The following SEZ6 variants were observed in gnomAD, a reference collection of about 807,000 sequenced individuals.
SEZ6 encodes the protein seizure related 6 homolog, also known as seizure protein 6 homolog.
SEZ6 carries 53 observed loss-of-function variants against 101.0 expected under a neutral mutation model. The ratio of observed to expected loss-of-function variants is 0.52; its 90% CI spans 0.42 to 0.66. The LOEUF is 0.66. Among genes scored for constraint, SEZ6 ranks in the 30% least tolerant of loss-of-function variants. SEZ6 has a pLI of 0.00. For synonymous variants in SEZ6, 488 were observed against 512.2 expected (o/e 0.95, Z 0.64); for missense variants, 1,102 against 1,289.4 (o/e 0.85, Z 2.23).
intron 3 of SEZ6, among the ~76,000 whole-genome samples, chr17:28,974,679 G>A (rs1280131397): frequency 6.6e-6 from 1 of 152,180 alleles, no homozygotes; most frequent in African/African-American, 2.4e-5. Flanking sequence ...ATGATTCCTG[G>A]TCCAGTGTCC....
chr17:28,978,900 C>T (rs2041260417), intron 3 of SEZ6, among the ~76,000 whole-genome samples: 1 of 151,734 alleles, frequency 6.6e-6, no homozygotes, highest in African/African-American at 2.4e-5. Flanking sequence ...AGGGGAGTAT[C>T]ATGGTGACAG....
chr17:28,996,638 G>A (rs764303483), intron 1 of SEZ6, among the ~76,000 whole-genome samples: 7 of 152,120 alleles, frequency 4.6e-5, no homozygotes, highest in Non-Finnish European at 2.9e-5. Flanking sequence ...ACAGTCCTAG[G>A]ATGCAGGGAC....
Position 28,959,009 on chromosome 17 carries a change from G to T in SEZ6, c.2107+16C>A. 1 of 1,603,018 alleles carries T rather than the reference G, an allele frequency of 6.2e-7. No individual in the cohort carries two copies. Among genetic ancestry groups the T allele is most frequent in the Non-Finnish European group, 8.5e-7 (1 of 1,173,592 alleles). ...GCTTGCTGTCTGCACTCTGAGTGGG[G>T]TAGGGACAAGCTCACCAAAGAAGTG... On this transcript the variant is annotated intron_variant, in intron 10 of 16. Transcript: ENST00000317338. The surrounding 1 kb of genome is among the most constrained non-coding windows in gnomAD (Gnocchi z 4.4).
At position 28,955,768 on chromosome 17, in the gene SEZ6, T is replaced by C. The variant is rs1409203502; in HGVS notation, c.*194A>G. The C allele has an allele frequency of 1.2e-5, 9 of 729,978 alleles. No homozygotes were observed. The highest frequency in any genetic ancestry group is 2.2e-5 in the Non-Finnish European group (9 of 409,710). 45.2% of individuals were successfully genotyped at this position (729,978 alleles called of 1,614,324 possible). A position where few individuals can be genotyped will look rare whatever the true frequency, so the allele number is the denominator to read the frequency against. On this transcript the variant is annotated 3_prime_UTR_variant, in exon 17 of 17. Coordinates refer to ENST00000317338, the MANE Select transcript of SEZ6 (RefSeq NM_178860.5). ...CCAATGAAGGGCCCCAAGTGGGCAA[T>C]GACACCAAGAAAATAGGCCATGGTG...
chr17:28,958,010 A>T lies in SEZ6; in HGVS notation c.2239T>A (p.Ser747Thr). 1 of 1,613,968 alleles carries T rather than the reference A, an allele frequency of 6.2e-7. No individual in the cohort carries two copies. The highest frequency in any genetic ancestry group is 8.5e-7 in the Non-Finnish European group (1 of 1,179,854). ...TCCCACTGGCACATGAGGACACTGG[A>T]TCCCACTACCTGGTAGCCAGGGTAG... ...QCYPGYQVVGSSVLMCQWDLT... is the reference protein window; with the variant it reads ...QCYPGYQVVGTSVLMCQWDLT... Residue 747 changes from serine (S) to threonine (T), a missense_variant, in exon 11 of 17, where the codon TCC becomes ACC. Coordinates refer to ENST00000317338, the MANE Select transcript of SEZ6 (RefSeq NM_178860.5).
chr17:28,967,814 T>C (rs1300604891), intron 4 of SEZ6, among the ~76,000 whole-genome samples: 1 of 152,072 alleles, frequency 6.6e-6, no homozygotes, highest in African/African-American at 2.4e-5. Flanking sequence ...GCCCCCAGAC[T>C]CCATAGTAGT....
intron 12 of SEZ6, 52 bp downstream of exon 12, chr17:28,957,296 G>C: frequency 6.2e-7 from 1 of 1,610,930 alleles, no homozygotes; most frequent in Non-Finnish European, 8.5e-7. Context: ...CTCCAGGGCA[G>C]CATCTTTTAT....
At chr17:28,967,575 G>C (rs192278811) in intron 4 of SEZ6, among the ~76,000 whole-genome samples, 2 of 152,188 alleles carry the variant, frequency 1.3e-5, no homozygotes, top group Non-Finnish European at 2.9e-5. Flanking sequence ...ATGGAGAAAG[G>C]GGTGTGGGGC....
intron 4 of SEZ6, 140 bp from the exon 5 acceptor site, chr17:28,964,287 C>T (rs2041029840): frequency 1.2e-6 from 1 of 803,996 alleles, no homozygotes. Context: ...TCCAAAACAA[C>T]TCCAATCTCC....
intron 1 of SEZ6, among the ~76,000 whole-genome samples, chr17:28,993,007 A>G (rs574298680): frequency 3.9e-5 from 6 of 151,954 alleles, no homozygotes; most frequent in African/African-American, 1.5e-4. Flanking sequence ...GGCAGGTGGC[A>G]CTGGAGCTGG....
chr17:28,968,512 T>C (rs1052993738), intron 4 of SEZ6, among the ~76,000 whole-genome samples: 2 of 152,176 alleles, frequency 1.3e-5, no homozygotes, highest in Non-Finnish European at 2.9e-5. Context: ...CCAGGGAGGA[T>C]TGATGAGCCA....
rs528120720 is a variant in SEZ6, at chr17:28,956,228, G to A, written c.2883C>T (p.Arg961=). ...TGCGGTTGTAGGGGCGGGGGCGGGGGCGGGGCAGCTGCAGGGAGCTTTTTC... is the reference window on the plus strand; with the variant it reads ...TGCGGTTGTAGGGGCGGGGGCGGGGACGGGGCAGCTGCAGGGAGCTTTTTC... ...LQGKSSLQLP[R]PRPRPYNRIT... is the part of the protein sequence containing the mutation. Residue 961 remains arginine, a synonymous_variant, in exon 16 of 17, where the codon CGC becomes CGT. Transcript: ENST00000317338. The A allele has an allele frequency of 2.1e-4, 111 of 518,734 alleles. No individual in the cohort carries two copies. The highest frequency in any genetic ancestry group is 3.8e-4 in the Middle Eastern group (1 of 2,634). 32.1% of individuals were successfully genotyped at this position (518,734 alleles called of 1,614,324 possible). A position where few individuals can be genotyped will look rare whatever the true frequency, so the allele number is the denominator to read the frequency against.
At position 28,969,696 on chromosome 17, in the gene SEZ6, C is replaced by G. The variant is rs577801532; in HGVS notation, c.1054+61G>C. On this transcript the variant is annotated intron_variant, in intron 4 of 16. Coordinates refer to ENST00000317338, the MANE Select transcript of SEZ6 (RefSeq NM_178860.5). ...AGGATGTAATTGCACAGAGACCCCC[C>G]TCCCCAGCAAGGAGGGCAGCGAGTC... The G allele has an allele frequency of 6.2e-5, 86 of 1,376,842 alleles. No individual in the cohort carries two copies. The African/African-American group carries it at 1.2e-3, about 19-fold the overall frequency. 85.3% of individuals were successfully genotyped at this position (1,376,842 alleles called of 1,614,324 possible). A position where few individuals can be genotyped will look rare whatever the true frequency, so the allele number is the denominator to read the frequency against.
chr17:28,963,000 T>C (rs1472890023), intron 5 of SEZ6, among the ~76,000 whole-genome samples: 2 of 151,944 alleles, frequency 1.3e-5, no homozygotes, highest in Non-Finnish European at 2.9e-5. Context: ...GGCGGGCGCC[T>C]GTAGTCCCAG....
At chr17:28,997,341 G>A (rs563784606) in intron 1 of SEZ6, among the ~76,000 whole-genome samples, 1 of 152,268 alleles carries the variant, frequency 6.6e-6, no homozygotes, top group African/African-American at 2.4e-5. Context: ...CCAGAAAATA[G>A]GGCTTCATGA....
chr17:28,960,877 A>G lies in SEZ6; in HGVS notation c.1337T>C (p.Leu446Pro). ...CCGCTGGCCCTCAGGAGCCTCAAGCAGCCAGTGACAGGTGAGGTTGTTGCT... is the reference window on the plus strand; with the variant it reads ...CCGCTGGCCCTCAGGAGCCTCAAGCGGCCAGTGACAGGTGAGGTTGTTGCT... ...NYSNNLTCHW[L>P]LEAPEGQRLH... Residue 446 changes from leucine to proline, a missense_variant, in exon 6 of 17, where the codon CTG becomes CCG. Physicochemically the swap from Leu to Pro is moderately conservative, Grantham distance 98. Coordinates refer to ENST00000317338, the MANE Select transcript of SEZ6 (RefSeq NM_178860.5). 6.2e-7 allele frequency: 1 copy of G among 1,613,978 alleles called. No homozygotes were observed. The highest frequency in any genetic ancestry group is 8.5e-7 in the Non-Finnish European group (1 of 1,179,852).
Position 28,981,590 on chromosome 17 carries a change from C to G in SEZ6, c.505G>C (p.Gly169Arg). 6.2e-7 allele frequency: 1 copy of G among 1,607,550 alleles called. No individual in the cohort carries two copies. The highest frequency in any genetic ancestry group is 8.5e-7 in the Non-Finnish European group (1 of 1,175,590). ...GGGGGTGTAGTGCTGGCTATCTCCC[C>G]TGGGCCTAGGGTGGGCACTGCCATG... Reference protein sequence around the residue: ...PSMAVPTLGPGEIASTTPPSR... With the variant: ...PSMAVPTLGPREIASTTPPSR... The change falls in exon 2 of 17, where the codon GGG becomes CGG. Residue 169 changes from glycine to arginine, a missense_variant. Gly to Arg is a moderately radical substitution (Grantham distance 125). Coordinates refer to ENST00000317338, the MANE Select transcript of SEZ6 (RefSeq NM_178860.5).
chr17:28,959,809 T>C lies in SEZ6; in HGVS notation c.1660A>G (p.Thr554Ala). 6.2e-7 allele frequency: 1 copy of C among 1,613,878 alleles called. No homozygotes were observed. Among genetic ancestry groups the C allele is most frequent in the Non-Finnish European group, 8.5e-7 (1 of 1,179,844 alleles). The change falls in exon 8 of 17, where the codon ACT becomes GCT. Residue 554 changes from threonine (T) to alanine (A), a missense_variant. This residue lies in a region of SEZ6 where 556 missense variants were observed against 735.1 expected (regional missense o/e 0.76). Transcript: ENST00000317338. The surrounding 1 kb of genome is among the most constrained non-coding windows in gnomAD (Gnocchi z 4.4). ...CCAGGGTCGCAGCTGAACTCCACAGTGGTACCCACAGGGTAGGTGGGTGTG... is the reference window on the plus strand; with the variant it reads ...CCAGGGTCGCAGCTGAACTCCACAGCGGTACCCACAGGGTAGGTGGGTGTG... ...SSTPTYPVGT[T>A]VEFSCDPGYT... is the part of the protein sequence containing the mutation.
intron 1 of SEZ6, among the ~76,000 whole-genome samples, chr17:28,995,348 G>C (rs1206090817): frequency 1.4e-5 from 2 of 146,116 alleles, no homozygotes; most frequent in Non-Finnish European, 3.0e-5. Flanking sequence ...GCATGTATGT[G>C]GGGGGGGGTG....
Sources: gnomAD v4.1 joint callset for allele counts (sites outside exome capture counted in the v4.1 genomes callset) on GRCh38, gnomAD v4.1.1 for gene constraint, gnomAD v4.1.1 regional missense constraint, Gnocchi (gnomAD v3.1) non-coding constraint, MANE v1.5 for transcripts, NCBI Gene and HGNC (gene_info 2026-07-23, HGNC 2026-07-21) for gene names.